CALN1: variants seen among roughly 807,000 people sequenced by gnomAD.
CALN1 encodes calneuron 1.
In CALN1, 17 loss-of-function variants were observed where a neutral mutation model predicts 30.6. The observed-to-expected ratio is 0.56, with a 90% CI of 0.38 to 0.83. The LOEUF is 0.83. CALN1 is among the 40% of genes least tolerant of loss of function. The pLI is 0.00. For synonymous variants in CALN1, 156 were observed against 131.4 expected (o/e 1.19, Z -1.28); for missense variants, 291 against 354.9 (o/e 0.82, Z 1.45).
intron 4 of CALN1, among the ~76,000 whole-genome samples, chr7:72,053,797 C>A (rs1319757821): frequency 1.3e-5 from 2 of 151,468 alleles, no homozygotes; most frequent in African/African-American, 4.9e-5. Context: ...CCCTCCCACC[C>A]TTCCCCCCAG....
At chr7:71,947,934 CAAA>C (rs5884865) in intron 5 of CALN1, among the ~76,000 whole-genome samples, 1 of 137,798 alleles carries the variant, frequency 7.3e-6, no homozygotes, top group Middle Eastern at 3.5e-3. Context: ...GACTCCGTCT[CAAA>C]AAAAAAAAAA....
At chr7:72,067,145 A>G (rs1804080023) in intron 4 of CALN1, among the ~76,000 whole-genome samples, 1 of 152,196 alleles carries the variant, frequency 6.6e-6, no homozygotes, top group African/African-American at 2.4e-5. Context: ...AAATCAAAGG[A>G]AAGGCTTCTT....
At chr7:72,330,503 T>C (rs1361693789) in intron 2 of CALN1, among the ~76,000 whole-genome samples, 1 of 151,744 alleles carries the variant, frequency 6.6e-6, no homozygotes, top group Admixed American at 6.6e-5. Flanking sequence ...GAGACCTTTG[T>C]TGGCCATCCA....
intron 5 of CALN1, among the ~76,000 whole-genome samples, chr7:71,993,632 T>C (rs1799080654): frequency 6.6e-6 from 1 of 151,998 alleles, no homozygotes; most frequent in Admixed American, 6.6e-5. Flanking sequence ...AATTTTTGTA[T>C]TTTTAGTAGA....
chr7:72,328,699 T>A (rs1449978470), intron 2 of CALN1, among the ~76,000 whole-genome samples: 3 of 152,198 alleles, frequency 2.0e-5, no homozygotes, highest in African/African-American at 7.2e-5. Flanking sequence ...GTGTCTACAT[T>A]TATTTACTTT....
intron 5 of CALN1, among the ~76,000 whole-genome samples, chr7:71,819,187 A>G (rs982549405): frequency 2.0e-5 from 3 of 151,386 alleles, no homozygotes; most frequent in African/African-American, 7.3e-5. Flanking sequence ...AAAATATAAT[A>G]ACTAAAAATT....
intron 4 of CALN1, among the ~76,000 whole-genome samples, chr7:72,101,800 G>A (rs964945960): frequency 2.6e-5 from 4 of 152,046 alleles, no homozygotes; most frequent in Non-Finnish European, 5.9e-5. Context: ...CTTGCTTCTT[G>A]GTGTATATCT....
intron 5 of CALN1, among the ~76,000 whole-genome samples, chr7:71,899,399 TC>T (rs1422344295): frequency 6.6e-6 from 1 of 152,110 alleles, no homozygotes; most frequent in Non-Finnish European, 1.5e-5. Context: ...CACCTTGGCC[TC>T]CCAAAGTGCT....
chr7:72,200,540 GTAGCTCCATAAC>G (rs1235621366), intron 3 of CALN1, among the ~76,000 whole-genome samples: 1 of 152,122 alleles, frequency 6.6e-6, no homozygotes, highest in Non-Finnish European at 1.5e-5. Context: ...GAGACTTAGA[GTAGCTCCATAAC>G]TAGCTCAAGG....
intron 3 of CALN1, among the ~76,000 whole-genome samples, chr7:72,201,996 A>G (rs536142769): frequency 6.2e-4 from 95 of 152,292 alleles, no homozygotes; most frequent in East Asian, 1.9e-4. Context: ...TTTCAAAACC[A>G]TATCACAAAG....
intron 2 of CALN1, among the ~76,000 whole-genome samples, chr7:72,392,324 G>A (rs145377688): frequency 2.7e-4 from 41 of 152,278 alleles, no homozygotes; most frequent in African/African-American, 9.1e-4. Flanking sequence ...TTCCACAAGC[G>A]CAGGATGGTT....
chr7:72,148,962 A>G (rs915237597), intron 3 of CALN1, among the ~76,000 whole-genome samples: 12 of 138,284 alleles, frequency 8.7e-5, no homozygotes, highest in African/African-American at 2.1e-4. Flanking sequence ...GGAAAGAAGG[A>G]AGGGAGGGAG....
At chr7:72,380,069 A>G (rs1804795948) in intron 2 of CALN1, among the ~76,000 whole-genome samples, 2 of 152,260 alleles carry the variant, frequency 1.3e-5, no homozygotes, top group South Asian at 4.1e-4. Flanking sequence ...TGTGAAGAGC[A>G]GTGCAGATAG....
chr7:71,815,281 T>C (rs1788194746), intron 5 of CALN1, among the ~76,000 whole-genome samples: 1 of 152,188 alleles, frequency 6.6e-6, no homozygotes, highest in African/African-American at 2.4e-5. Flanking sequence ...CCTAAGGGTC[T>C]ACTATATTTG....
the CALN1 span, among the ~76,000 whole-genome samples, chr7:72,455,848 T>C: frequency 6.6e-6 from 1 of 152,130 alleles, no homozygotes; most frequent in Non-Finnish European, 1.5e-5. Flanking sequence ...GAGATATTCA[T>C]GAGGCTGTGA....
rs78174794 is a variant in CALN1 at position 72,071,130 on chromosome 7, T to C, written c.388+35021A>G. 6.0e-3 allele frequency among the ~76,000 whole-genome samples: 921 copies of C among 152,316 alleles called. 3 individuals carry two copies. Among genetic ancestry groups the C allele is most frequent in the Non-Finnish European group, 8.6e-3 (583 of 68,032 alleles). ...GTTAATTTCCATCAATTTCAGCTCTTAGCACAGTAGCCGCTACCCATCCCC... is the reference window on the plus strand; with the variant it reads ...GTTAATTTCCATCAATTTCAGCTCTCAGCACAGTAGCCGCTACCCATCCCC... On this transcript the variant is annotated intron_variant, in intron 4 of 6. Transcript: ENST00000395275.
intron 3 of CALN1, among the ~76,000 whole-genome samples, chr7:72,210,222 G>A (rs986445958): frequency 7.2e-5 from 11 of 152,102 alleles, no homozygotes; most frequent in African/African-American, 2.7e-4. Flanking sequence ...CTCCCCTTGA[G>A]GCATGCCTGC....
intron 5 of CALN1, among the ~76,000 whole-genome samples, chr7:71,939,922 A>G (rs6460698): frequency 0.49 from 75,071 of 151,974 alleles, 18,857 homozygotes; most frequent in East Asian, 0.73. Flanking sequence ...CCCAGACCAT[A>G]TCAACTCCAA....
chr7:71,955,745 G>A (rs762739938), intron 5 of CALN1, among the ~76,000 whole-genome samples: 9 of 151,996 alleles, frequency 5.9e-5, no homozygotes, highest in Admixed American at 2.0e-4. Flanking sequence ...CAGGAGATCC[G>A]TCCTGGAAGG....
Sources: allele counts gnomAD v4.1 joint callset (sites outside exome capture counted in the v4.1 genomes callset), GRCh38; gene constraint gnomAD v4.1.1; transcripts MANE v1.5; gene names NCBI Gene and HGNC (gene_info 2026-07-23, HGNC 2026-07-21).